The following SHTN1 variants were observed in gnomAD, a reference collection of about 807,000 sequenced individuals.
SHTN1 encodes shootin 1.
SHTN1 carries 42 observed loss-of-function variants against 83.1 expected under a neutral mutation model. The ratio of observed to expected loss-of-function variants is 0.51; its 90% confidence interval spans 0.39 to 0.65. SHTN1 has a LOEUF of 0.65. Among genes scored for constraint, SHTN1 ranks in the 30% least tolerant of loss-of-function variants. SHTN1 has a pLI of 0.00. For synonymous variants in SHTN1, 224 were observed against 247.7 expected, an observed-to-expected ratio of 0.90 and a Z score of 0.90; for missense variants, 622 against 737.8, an observed-to-expected ratio of 0.84 and a Z score of 1.82.
intron 12 of SHTN1, among the ~76,000 whole-genome samples, chr10:116,916,591 A>G (rs1307106542): frequency 1.3e-5 from 2 of 152,246 alleles, no homozygotes. Context: ...AATGCCAGGC[A>G]ATCACTACTG....
intron 2 of SHTN1, among the ~76,000 whole-genome samples, chr10:116,975,975 A>G (rs1378787648): frequency 6.6e-6 from 1 of 152,220 alleles, no homozygotes; most frequent in African/African-American, 2.4e-5. Context: ...TGCACTAACA[A>G]TACAGAATTA....
chr10:117,055,685 T>C (rs547356809), intron 1 of SHTN1, among the ~76,000 whole-genome samples: 4 of 152,292 alleles, frequency 2.6e-5, no homozygotes, highest in South Asian at 2.1e-4. Flanking sequence ...CTGGGCAACA[T>C]AGCACAGCCC....
chr10:116,900,659 T>A (rs575673498), intron 16 of SHTN1: 1 of 1,490,214 alleles, frequency 6.7e-7, no homozygotes, highest in East Asian at 2.5e-5. Context: ...GTAGCCAGAT[T>A]GTTGATGTCA....
At chr10:116,887,354 A>G (rs1246655919) in intron 16 of SHTN1, among the ~76,000 whole-genome samples, 1 of 152,216 alleles carries the variant, frequency 6.6e-6, no homozygotes, top group Non-Finnish European at 1.5e-5. Context: ...CCGAAGGTTC[A>G]GGCTGCTGAG....
chr10:117,074,222 C>G (rs1009185149), intron 1 of SHTN1, among the ~76,000 whole-genome samples: 1 of 152,158 alleles, frequency 6.6e-6, no homozygotes, highest in African/African-American at 2.4e-5. Context: ...TCCCTAATAG[C>G]TTTTGAGCTA....
intron 2 of SHTN1, among the ~76,000 whole-genome samples, chr10:117,030,205 C>G (rs1589902998): frequency 6.6e-6 from 1 of 152,156 alleles, no homozygotes; most frequent in Non-Finnish European, 1.5e-5. Flanking sequence ...TTTAAATTAC[C>G]TAGTCTCAGG....
At chr10:117,009,840 T>A (rs772504767), upstream of SHTN1, among the ~76,000 whole-genome samples, 1 of 151,870 alleles carries the variant, frequency 6.6e-6, no homozygotes, top group Non-Finnish European at 1.5e-5. Flanking sequence ...AAGGCGGAGC[T>A]TGCAATGAGC....
At chr10:116,889,465 G>A (rs1260233552) in intron 16 of SHTN1, among the ~76,000 whole-genome samples, 1 of 152,168 alleles carries the variant, frequency 6.6e-6, no homozygotes, top group Non-Finnish European at 1.5e-5. Context: ...AGGCATGGAG[G>A]GAGAGTGACT....
chr10:117,067,829 G>T (rs140724349), intron 1 of SHTN1, among the ~76,000 whole-genome samples: 133 of 152,204 alleles, frequency 8.7e-4, no homozygotes, highest in African/African-American at 3.1e-3. Flanking sequence ...GTAACATATT[G>T]GATATGGGAA....
In SHTN1 at chr10:116,882,675, A is replaced by G. The variant is rs1383579061; in HGVS notation, c.*3669T>C. ...AAATTCTATAATTTTTATTAAGCAC[A>G]CTGAGGACCTCTCCTTTTAAAGAGT... is the stretch of plus-strand genomic sequence containing the variant. On this transcript the variant is annotated 3_prime_UTR_variant, in exon 17 of 17. Coordinates refer to ENST00000355371, the MANE Select transcript of SHTN1 (RefSeq NM_001127211.3). 1 of 152,200 alleles carries G rather than the reference A, an allele frequency of 6.6e-6. No individual in the cohort carries two copies. The highest frequency in any genetic ancestry group is 1.5e-5 in the Non-Finnish European group (1 of 68,040). The allele number at this position is 152,200 out of a possible 1,614,324, so 9.4% of individuals were successfully genotyped here. A position where few individuals can be genotyped will look rare whatever the true frequency, so the allele number is the denominator to read the frequency against.
chr10:116,985,688 C>G (rs562151998), intron 1 of SHTN1, among the ~76,000 whole-genome samples: 1 of 152,210 alleles, frequency 6.6e-6, no homozygotes, highest in East Asian at 1.9e-4. Flanking sequence ...TCAAATGTAA[C>G]CAGAAAACAA....
chr10:117,098,584 T>C (rs1457945548), intron 1 of SHTN1, among the ~76,000 whole-genome samples: 1 of 152,080 alleles, frequency 6.6e-6, no homozygotes, highest in Non-Finnish European at 1.5e-5. Context: ...TCCCACTGCA[T>C]GTTTTCAAAC....
At chr10:116,971,322 AAAT>A (rs1318136149) in intron 2 of SHTN1, among the ~76,000 whole-genome samples, 5 of 152,138 alleles carry the variant, frequency 3.3e-5, no homozygotes, top group African/African-American at 9.7e-5. Flanking sequence ...CCTCTGTAAA[AAAT>A]AATAATAATT....
intron 2 of SHTN1, among the ~76,000 whole-genome samples, chr10:116,977,442 C>T (rs1002341499): frequency 4.6e-5 from 7 of 152,174 alleles, no homozygotes; most frequent in African/African-American, 1.7e-4. Context: ...TGTTCTCCTA[C>T]AGCTGGAAGA....
At chr10:116,987,339 T>C (rs1851254346) in intron 1 of SHTN1, among the ~76,000 whole-genome samples, 1 of 152,200 alleles carries the variant, frequency 6.6e-6, no homozygotes, top group South Asian at 2.1e-4. Context: ...ACCACCCTAA[T>C]GTTTATACAA....
At chr10:116,966,387 A>G (rs1850398082) in intron 3 of SHTN1, among the ~76,000 whole-genome samples, 1 of 152,218 alleles carries the variant, frequency 6.6e-6, no homozygotes. Flanking sequence ...GAGAGTAAGA[A>G]AAAAAGAATT....
chr10:116,905,381 C>T (rs889901438), intron 15 of SHTN1, among the ~76,000 whole-genome samples: 1 of 151,990 alleles, frequency 6.6e-6, no homozygotes, highest in Non-Finnish European at 1.5e-5. Flanking sequence ...TGTGGTACCC[C>T]CTTAATTTTC....
chr10:116,992,560 T>A (rs757207621), intron 1 of SHTN1, among the ~76,000 whole-genome samples: 2 of 152,134 alleles, frequency 1.3e-5, no homozygotes, highest in African/African-American at 2.4e-5. Flanking sequence ...AGTAGGCAAA[T>A]AAGCCCCCCA....
At chr10:116,968,409 T>C (rs1589853277) in intron 3 of SHTN1, among the ~76,000 whole-genome samples, 2 of 152,260 alleles carry the variant, frequency 1.3e-5, no homozygotes, top group African/African-American at 4.8e-5. Flanking sequence ...TTAACTTTTC[T>C]GTATAGTTAA....
Sources: gnomAD v4.1 joint callset for allele counts (sites outside exome capture counted in the v4.1 genomes callset) on GRCh38, gnomAD v4.1.1 for gene constraint, MANE v1.5 for transcripts, NCBI Gene and HGNC (gene_info 2026-07-23, HGNC 2026-07-21) for gene names.